PNPLA7: variants seen among roughly 807,000 people sequenced by gnomAD.
PNPLA7 encodes patatin-like phospholipase domain-containing protein 7.
Under a neutral mutation model 161.7 loss-of-function variants are expected in PNPLA7, and 153 were observed. The ratio of observed to expected loss-of-function variants is 0.95; its 90% CI spans 0.83 to 1.08. The LOEUF (loss-of-function observed/expected upper bound fraction) is 1.08. Among genes scored for constraint, PNPLA7 ranks in the 50% least tolerant of loss-of-function variants. PNPLA7 has a pLI of 0.00. For synonymous variants in PNPLA7, 809 were observed against 782.1 expected (o/e 1.03, Z -0.57); for missense variants, 1,739 against 1,856.6 (o/e 0.94, Z 1.16).
chr9:137,496,203 G>A (rs552753828), intron 18 of PNPLA7, among the ~76,000 whole-genome samples: 12 of 150,628 alleles, frequency 8.0e-5, no homozygotes, highest in African/African-American at 2.9e-4. Context: ...CGCCTCCCAG[G>A]TTCAAGCGAT....
rs1833238955 is a variant in PNPLA7 at position 137,499,171 on chromosome 9, GAC to G, written c.1758-928_1758-927del. ...AGACAGAGACACTCGCAGACACACG[GAC>G]ACACGGAGACACACGGACACAGGCA... On this transcript the variant is annotated intron_variant, in intron 16 of 34. Transcript: ENST00000406427. This position sits in a 1 kb window ranked among gnomAD's most constrained non-coding sequence, Gnocchi z 5.5. Among the ~76,000 whole-genome samples, 1 of 149,344 alleles carries G rather than the reference GAC, an allele frequency of 6.7e-6. No homozygotes were observed.
chr9:137,467,239 C>G lies in PNPLA7; in HGVS notation c.3039+78G>C. ...GGCCCTGCAGAGCCACATGCAGAGG[C>G]CAACGGCCCCAGCGTCCCCCAGCAC... On this transcript the variant is annotated intron_variant, in intron 26 of 34. Transcript: ENST00000406427. This position sits in a 1 kb window ranked among gnomAD's most constrained non-coding sequence, Gnocchi z 5.1. The G allele has an allele frequency of 6.7e-7, 1 of 1,501,454 alleles. No homozygotes were observed. The highest frequency in any genetic ancestry group is 8.9e-7 in the Non-Finnish European group (1 of 1,120,942). 93.0% of individuals were successfully genotyped at this position (1,501,454 alleles called of 1,614,324 possible).
At chr9:137,532,583 C>T (rs891776098) in intron 8 of PNPLA7, among the ~76,000 whole-genome samples, 10 of 152,136 alleles carry the variant, frequency 6.6e-5, no homozygotes, top group African/African-American at 2.2e-4. Context: ...GAAATTTTAG[C>T]GGCTGATGAA....
chr9:137,463,543 G>GCCCGGAGCTGCTGGTTA lies in PNPLA7; in HGVS notation c.3227-29_3227-13dup. On this transcript the variant is annotated splice_polypyrimidine_tract_variant and intron_variant, in intron 28 of 34. Transcript: ENST00000406427. ...CCACCACAGGGAGCCTGGGGAGGGG[G>GCCCGGAGCTGCTGGTTA]CCCGGAGCTGCTGGTTACCCGGAGG... The GCCCGGAGCTGCTGGTTA allele has an allele frequency of 6.4e-7, 1 of 1,556,278 alleles. No homozygotes were observed. The highest frequency in any genetic ancestry group is 2.3e-5 in the East Asian group (1 of 42,800).
chr9:137,530,648 A>G (rs1835539660), intron 8 of PNPLA7, among the ~76,000 whole-genome samples: 2 of 152,364 alleles, frequency 1.3e-5, no homozygotes, highest in South Asian at 4.1e-4. Flanking sequence ...TCAGCAGGAC[A>G]GGCTGTTGTG....
intron 25 of PNPLA7, among the ~76,000 whole-genome samples, 166 bp downstream of exon 25, chr9:137,477,868 G>A (rs890668072): frequency 2.0e-5 from 3 of 152,224 alleles, no homozygotes; most frequent in South Asian, 4.1e-4. Flanking sequence ...TGCAGGGCCT[G>A]CTCAGAGGAC....
chr9:137,531,507 G>C (rs1023313215), intron 8 of PNPLA7, among the ~76,000 whole-genome samples: 4 of 152,114 alleles, frequency 2.6e-5, no homozygotes, highest in Non-Finnish European at 5.9e-5. Flanking sequence ...AGGGGTCCCC[G>C]AGGGCTCCCC....
intron 20 of PNPLA7, among the ~76,000 whole-genome samples, chr9:137,485,249 A>T (rs1832417016): frequency 6.6e-6 from 1 of 152,260 alleles, no homozygotes; most frequent in Non-Finnish European, 1.5e-5. Context: ...TCACGGAGCG[A>T]CTGAAAGGAA....
intron 19 of PNPLA7, among the ~76,000 whole-genome samples, chr9:137,494,776 C>G (rs1244076646): frequency 6.8e-6 from 1 of 147,958 alleles, no homozygotes; most frequent in African/African-American, 2.5e-5. Context: ...TGCTCCGTGA[C>G]CTCATCCACT....
At position 137,498,101 on chromosome 9, in the gene PNPLA7, C is replaced by T; in HGVS notation, c.1889+13G>A. 1.2e-6 allele frequency: 2 copies of T among 1,611,828 alleles called. No individual in the cohort carries two copies. Among genetic ancestry groups the T allele is most frequent in the Non-Finnish European group, 8.5e-7 (1 of 1,179,256 alleles). On this transcript the variant is annotated intron_variant, in intron 17 of 34. Transcript: ENST00000406427. ...CAGCATGGATGCGGAGTGTGTGGCA[C>T]CCACGGCCTCACCTGTATATTGCTC...
chr9:137,538,413 TC>T (rs1836008395), intron 8 of PNPLA7, among the ~76,000 whole-genome samples: 1 of 152,154 alleles, frequency 6.6e-6, no homozygotes, highest in Non-Finnish European at 1.5e-5. Flanking sequence ...TTACGTCCTT[TC>T]CGAGCAGAGG....
Position 137,547,197 on chromosome 9 carries a change from T to C in PNPLA7, c.193+112A>G, listed in dbSNP as rs556531106. On this transcript the variant is annotated intron_variant, in intron 3 of 34. Coordinates refer to ENST00000406427, the MANE Select transcript of PNPLA7 (RefSeq NM_001098537.3). This position sits in a 1 kb window ranked among gnomAD's most constrained non-coding sequence, Gnocchi z 4.6. ...TGAGCCCAGACGGGCCATCAGATTC[T>C]AGCCAAAGCCACCATGCGCTTGAGG... 1,133 of 1,089,506 alleles carry C rather than the reference T, an allele frequency of 1.0e-3. 1 individual carries two copies. The highest frequency in any genetic ancestry group is 1.4e-3 in the Non-Finnish European group (1,028 of 722,044). The allele number at this position is 1,089,506 out of a possible 1,614,324, so 67.5% of individuals were successfully genotyped here. A position where few individuals can be genotyped will look rare whatever the true frequency, so the allele number is the denominator to read the frequency against.
Position 137,462,789 on chromosome 9 carries a change from C to A in PNPLA7, c.3388G>T (p.Asp1130Tyr). Residue 1130 changes from aspartate to tyrosine, a missense_variant, in exon 30 of 35, where the codon GAC (aspartate) becomes TAC (tyrosine). By Grantham distance (160) the Asp-to-Tyr change is radical. Around this residue, in one of 6 missense-constraint regions of PNPLA7, gnomAD observed 703 missense variants for 694.6 expected, o/e 1.01. Transcript: ENST00000406427. ...TCCGTCTCATCTCGGCTGCCCACGTCAATGGCGATCACCACTTTTGCCCCC... is the reference window on the plus strand; with the variant it reads ...TCCGTCTCATCTCGGCTGCCCACGTAAATGGCGATCACCACTTTTGCCCCC... The part of the protein sequence containing the change: ...SMGAKVVIAI[D>Y]VGSRDETDLT... 1 of 1,613,892 alleles carries A rather than the reference C, an allele frequency of 6.2e-7. No homozygotes were observed.
chr9:137,478,011 G>C (rs1267153837), intron 25 of PNPLA7, 23 bp downstream of exon 25: 1 of 1,401,028 alleles, frequency 7.1e-7, no homozygotes, highest in Non-Finnish European at 9.3e-7. Flanking sequence ...AGTGAGGAGT[G>C]TGTAGGAAGC....
chr9:137,499,303 CAGACACATGGAGACACACAG>C lies in PNPLA7; in HGVS notation c.1758-1078_1758-1059del. Among the ~76,000 whole-genome samples the C allele has an allele frequency of 1.3e-5, 2 of 151,952 alleles. No homozygotes were observed. The highest frequency in any genetic ancestry group is 4.2e-4 in the South Asian group (2 of 4,804). On this transcript the variant is annotated intron_variant, in intron 16 of 34. Coordinates refer to ENST00000406427, the MANE Select transcript of PNPLA7 (RefSeq NM_001098537.3). The surrounding 1 kb of genome is among the most constrained non-coding windows in gnomAD (Gnocchi z 5.5). ...ACAGAGACAGACACACGGACACATGCAGACACATGGAGACACACAGAGACACACGCAGACACACGACACAC... is the reference window on the plus strand; with the variant it reads ...ACAGAGACAGACACACGGACACATGCAGACACACGCAGACACACGACACAC...
chr9:137,537,537 G>A lies in PNPLA7; in HGVS notation c.747+3105C>T, dbSNP rs1588704445. 5.9e-5 allele frequency among the ~76,000 whole-genome samples: 9 copies of A among 152,204 alleles called. No homozygotes were observed. In the South Asian group the frequency reaches 1.5e-3, roughly 25 times the overall value. ...TCACCATGTTGGCCAGGATGGTCTC[G>A]ATCTCCTGACCTCGTGATCCGCCCA... On this transcript the variant is annotated intron_variant, in intron 8 of 34. Coordinates refer to ENST00000406427, the MANE Select transcript of PNPLA7 (RefSeq NM_001098537.3). The surrounding 1 kb of genome is among the most constrained non-coding windows in gnomAD (Gnocchi z 4.5).
intron 21 of PNPLA7, among the ~76,000 whole-genome samples, 179 bp from the exon 22 acceptor site, chr9:137,481,202 C>T (rs998538174): frequency 2.0e-5 from 3 of 152,210 alleles, no homozygotes; most frequent in Non-Finnish European, 2.9e-5. Context: ...TCCCCTTGAG[C>T]ACAACTGCCA....
Position 137,500,587 on chromosome 9 carries a change from A to T in PNPLA7, c.1757+104T>A. 1 of 1,060,244 alleles carries T rather than the reference A, an allele frequency of 9.4e-7. No individual in the cohort carries two copies. The highest frequency in any genetic ancestry group is 1.4e-6 in the Non-Finnish European group (1 of 728,126). 65.7% of individuals were successfully genotyped at this position (1,060,244 alleles called of 1,614,324 possible). ...GGACAAAGAGGGGAGCCCGAGAAGC[A>T]GGGAAGAGGGTGAGAGCACCAGGAA... On this transcript the variant is annotated intron_variant, in intron 16 of 34. Coordinates refer to ENST00000406427, the MANE Select transcript of PNPLA7 (RefSeq NM_001098537.3). The surrounding 1 kb of genome is among the most constrained non-coding windows in gnomAD (Gnocchi z 5.5).
rs1471463788 is a variant in PNPLA7, at chr9:137,461,567, G to A, written c.3810C>T (p.Arg1270=). 4 of 1,612,818 alleles carry A rather than the reference G, an allele frequency of 2.5e-6. No individual in the cohort carries two copies. The highest frequency in any genetic ancestry group is 3.4e-6 in the Non-Finnish European group (4 of 1,179,680). The part of the protein sequence containing the change: ...SFTDLAEIVS[R]IEPAKPAMVD... ...CCATGGCGGGCTTGGCGGGCTCAAT[G>A]CGAGACACAATTTCGGCAAGGTCCG... Residue 1270 remains arginine (R), a synonymous_variant, in exon 33 of 35, where the codon CGC becomes CGT. Coordinates refer to ENST00000406427, the MANE Select transcript of PNPLA7 (RefSeq NM_001098537.3).
Sources: allele counts gnomAD v4.1 joint callset (sites outside exome capture counted in the v4.1 genomes callset), GRCh38; gene constraint gnomAD v4.1.1; regional missense constraint gnomAD v4.1.1; non-coding constraint Gnocchi (gnomAD v3.1); transcripts MANE v1.5; gene names NCBI Gene and HGNC (gene_info 2026-07-23, HGNC 2026-07-21).